The following FUNDC2 variants were observed in gnomAD, a reference collection of about 807,000 sequenced individuals.
The protein encoded by FUNDC2 is FUN14 domain containing 2.
Under a neutral mutation model 15.6 loss-of-function variants are expected in FUNDC2, and 4 were observed. The ratio of observed to expected loss-of-function variants is 0.26; its 90% CI spans 0.13 to 0.59. The LOEUF is 0.59. FUNDC2 is among the 20% of genes least tolerant of loss of function. FUNDC2 has a pLI of 0.90. For missense variants in FUNDC2, 98 were observed against 149.7 expected (o/e 0.65, Z 1.80); for synonymous variants, 44 against 56.9 (o/e 0.77, Z 1.02).
At chrX:155,053,819 A>G (rs2073885714) in intron 4 of FUNDC2, 2 of 750,544 alleles carry the variant, frequency 2.7e-6, no homozygotes, top group African/African-American at 4.7e-5. Context: ...AACACTTTCT[A>G]AGGTGGTGAT....
At chrX:155,041,864 C>T (rs1431462335) in intron 2 of FUNDC2, among the ~76,000 whole-genome samples, 4 of 108,408 alleles carry the variant, frequency 3.7e-5, no homozygotes, top group South Asian at 4.0e-4. Context: ...GTCAGGAGAT[C>T]GAGACCATCC....
intron 4 of FUNDC2, chrX:155,054,304 T>C: frequency 6.6e-6 from 5 of 753,951 alleles, no homozygotes; most frequent in Non-Finnish European, 6.3e-6. Flanking sequence ...TCTTTGTCCT[T>C]GATTCAAAGA....
intron 2 of FUNDC2, among the ~76,000 whole-genome samples, chrX:155,042,434 G>C (rs2073850815): frequency 9.1e-6 from 1 of 110,058 alleles, no homozygotes; most frequent in Non-Finnish European, 1.9e-5. Flanking sequence ...TGATCCTCCT[G>C]CCTCAGCCTC....
intron 1 of FUNDC2, among the ~76,000 whole-genome samples, chrX:155,031,371 C>T (rs1557288723): frequency 8.9e-6 from 1 of 112,142 alleles, no homozygotes; most frequent in African/African-American, 3.2e-5. Context: ...CTGTGTCACC[C>T]ATGCTGGAGT....
intron 2 of FUNDC2, among the ~76,000 whole-genome samples, chrX:155,042,173 A>ATTTTTTTTTTTTTTTT (rs2073849188): frequency 1.7e-5 from 1 of 58,706 alleles, no homozygotes; most frequent in African/African-American, 7.6e-5. Context: ...TTCTTTTTCT[A>ATTTTTTTTTTTTTTTT]TCTTTTTTTT....
At position 155,060,268 on chromosome X, in the gene FUNDC2, T is replaced by G. The variant is rs1302689866; in HGVS notation, c.*5596T>G. The G allele has an allele frequency of 2.7e-5, 3 of 112,255 alleles. No individual in the cohort carries two copies. The highest frequency in any genetic ancestry group is 9.7e-5 in the African/African-American group (3 of 30,844). 9.3% of individuals were successfully genotyped at this position (112,255 alleles called of 1,213,427 possible). A position where few individuals can be genotyped will look rare whatever the true frequency, so the allele number is the denominator to read the frequency against. On this transcript the variant is annotated 3_prime_UTR_variant, in exon 5 of 5. Coordinates refer to ENST00000369498, the MANE Select transcript of FUNDC2 (RefSeq NM_023934.4). Reference sequence around the variant, plus strand: ...CTGATAATTTTAAATGTAATTTAGATTTGTAGATGGTGTAACATTAAAGTT... The same window carrying G: ...CTGATAATTTTAAATGTAATTTAGAGTTGTAGATGGTGTAACATTAAAGTT...
In FUNDC2 at chrX:155,057,979, G is replaced by C. The variant is rs912854410; in HGVS notation, c.*3307G>C. 1.8e-5 allele frequency: 2 copies of C among 111,482 alleles called. No individual in the cohort carries two copies. The highest frequency in any genetic ancestry group is 6.5e-5 in the African/African-American group (2 of 30,570). The allele number at this position is 111,482 out of a possible 1,213,427, so 9.2% of individuals were successfully genotyped here. ...GCTGGGTGCGGGGAGAGATGTGGTG[G>C]TGGGGACCCTTGCCTGAGCAGCCCA... On this transcript the variant is annotated 3_prime_UTR_variant, in exon 5 of 5. Coordinates refer to ENST00000369498, the MANE Select transcript of FUNDC2 (RefSeq NM_023934.4).
chrX:155,028,118 G>GACTTTTATAAGAGCAGACTGCTCTTATA (rs1557288459), intron 1 of FUNDC2, among the ~76,000 whole-genome samples: 93 of 111,457 alleles, frequency 8.3e-4, no homozygotes, highest in African/African-American at 2.8e-3. Flanking sequence ...TGCTCTTATA[G>GACTTTTATAAGAGCAGACTGCTCTTATA]GTTGATCAGG....
chrX:155,028,535 A>T (rs1450056457), intron 1 of FUNDC2, among the ~76,000 whole-genome samples: 1 of 112,347 alleles, frequency 8.9e-6, no homozygotes, highest in African/African-American at 3.2e-5. Context: ...AGGTACTCAG[A>T]CATCCATATT....
chrX:155,034,184 T>G (rs782215516), intron 2 of FUNDC2, among the ~76,000 whole-genome samples: 1 of 112,920 alleles, frequency 8.9e-6, no homozygotes, highest in South Asian at 3.6e-4. Context: ...GAGAGGTTAT[T>G]AAGCAGTTAT....
intron 4 of FUNDC2, among the ~76,000 whole-genome samples, chrX:155,053,099 G>A (rs1464205713): frequency 1.8e-5 from 2 of 112,323 alleles, no homozygotes; most frequent in African/African-American, 6.5e-5. Context: ...AAACTTCTGG[G>A]CTCAAGCAGT....
At chrX:155,042,068 CAAAAAAAAAA>C (rs781894363) in intron 2 of FUNDC2, among the ~76,000 whole-genome samples, 3 of 22,398 alleles carry the variant, frequency 1.3e-4, no homozygotes, top group Non-Finnish European at 2.7e-4. Flanking sequence ...GACTCCGTCT[CAAAAAAAAAA>C]AAAAAAAAGA....
At position 155,057,388 on chromosome X, in the gene FUNDC2, T is replaced by G. The variant is rs2073910263; in HGVS notation, c.*2716T>G. 1 of 111,442 alleles carries G rather than the reference T, an allele frequency of 9.0e-6. No homozygotes were observed. The highest frequency in any genetic ancestry group is 1.9e-5 in the Non-Finnish European group (1 of 52,595). The allele number at this position is 111,442 out of a possible 1,213,427, so 9.2% of individuals were successfully genotyped here. ...GGAGAGGCCTGCTTAGCTAGGCACG[T>G]ATTTTCTCCAGTAGCAGAGTCCAAT... On this transcript the variant is annotated 3_prime_UTR_variant, in exon 5 of 5. Transcript: ENST00000369498.
Position 155,055,708 on chromosome X carries a change from C to T in FUNDC2, c.*1036C>T, listed in dbSNP as rs1249307811. 3 of 127,366 alleles carry T rather than the reference C, an allele frequency of 2.4e-5. No homozygotes were observed. The highest frequency in any genetic ancestry group is 4.7e-5 in the Non-Finnish European group (3 of 63,565). The allele number at this position is 127,366 out of a possible 1,213,427, so 10.5% of individuals were successfully genotyped here. ...AGTGGCATGTTACCATGTCTACAGT[C>T]CCTACTAGAATATCAGTCAGCTTTC... is the stretch of plus-strand genomic sequence containing the variant. On this transcript the variant is annotated 3_prime_UTR_variant, in exon 5 of 5. Coordinates refer to ENST00000369498, the MANE Select transcript of FUNDC2 (RefSeq NM_023934.4).
chrX:155,035,542 T>C (rs1458443348), intron 2 of FUNDC2, among the ~76,000 whole-genome samples: 5 of 112,151 alleles, frequency 4.5e-5, no homozygotes, highest in African/African-American at 1.6e-4. Context: ...CTCTTTGTAA[T>C]TCCACGCTCT....
intron 2 of FUNDC2, among the ~76,000 whole-genome samples, chrX:155,043,749 C>T (rs1338725188): frequency 1.8e-5 from 2 of 111,941 alleles, no homozygotes; most frequent in African/African-American, 3.3e-5. Flanking sequence ...TAAAATGGAC[C>T]CTTATCATTT....
Position 155,059,152 on chromosome X carries a change from G to GA in FUNDC2, c.*4486dup, listed in dbSNP as rs1181792621. 4.4e-5 allele frequency: 5 copies of GA among 112,409 alleles called. No homozygotes were observed. The highest frequency in any genetic ancestry group is 1.6e-4 in the African/African-American group (5 of 30,910). The allele number at this position is 112,409 out of a possible 1,213,427, so 9.3% of individuals were successfully genotyped here. A position where few individuals can be genotyped will look rare whatever the true frequency, so the allele number is the denominator to read the frequency against. ...AAGTACACAGTTGGAAGCTGGTGCT[G>GA]AAAAAATTAAGAGTTTTGCTGTTAA... On this transcript the variant is annotated 3_prime_UTR_variant, in exon 5 of 5. Transcript: ENST00000369498.
At position 155,057,407 on chromosome X, in the gene FUNDC2, G is replaced by C. The variant is rs940269415; in HGVS notation, c.*2735G>C. On this transcript the variant is annotated 3_prime_UTR_variant, in exon 5 of 5. Transcript: ENST00000369498. ...GGCACGTATTTTCTCCAGTAGCAGAGTCCAATGACGCTCTGGACTTCCTAA... is the reference window on the plus strand; with the variant it reads ...GGCACGTATTTTCTCCAGTAGCAGACTCCAATGACGCTCTGGACTTCCTAA... 2 of 111,493 alleles carry C rather than the reference G, an allele frequency of 1.8e-5. No homozygotes were observed. The highest frequency in any genetic ancestry group is 3.8e-5 in the Non-Finnish European group (2 of 52,633). The allele number at this position is 111,493 out of a possible 1,213,427, so 9.2% of individuals were successfully genotyped here.
In FUNDC2 at chrX:155,058,038, G is replaced by C. The variant is rs1466185421; in HGVS notation, c.*3366G>C. The C allele has an allele frequency of 9.0e-6, 1 of 111,051 alleles. No individual in the cohort carries two copies. The highest frequency in any genetic ancestry group is 3.3e-5 in the African/African-American group (1 of 30,449). 9.2% of individuals were successfully genotyped at this position (111,051 alleles called of 1,213,427 possible). A position where few individuals can be genotyped will look rare whatever the true frequency, so the allele number is the denominator to read the frequency against. On this transcript the variant is annotated 3_prime_UTR_variant, in exon 5 of 5. Transcript: ENST00000369498. The stretch of plus-strand genomic sequence containing the variant: ...AGTGTTATTGCCATTGTGATAATAT[G>C]TTAGCATGACTCTCCTCCCAAATGG...
Sources: allele counts gnomAD v4.1 joint callset (sites outside exome capture counted in the v4.1 genomes callset), GRCh38; gene constraint gnomAD v4.1.1; transcripts MANE v1.5; gene names NCBI Gene and HGNC (gene_info 2026-07-23, HGNC 2026-07-21).